The following IFNAR1 variants were observed in gnomAD, a reference collection of about 807,000 sequenced individuals.
The protein encoded by IFNAR1 is interferon alpha/beta receptor 1.
Under a neutral mutation model 62.1 loss-of-function variants are expected in IFNAR1, and 47 were observed. The observed-to-expected ratio is 0.76, with a 90% CI of 0.60 to 0.97. The LOEUF (loss-of-function observed/expected upper bound fraction) is 0.97, where lower values mean the gene tolerates loss of function less well. Among genes scored for constraint, IFNAR1 ranks in the 50% least tolerant of loss-of-function variants. The pLI, the probability that IFNAR1 is intolerant of heterozygous loss-of-function variation, is 0.00. For synonymous variants in IFNAR1, 219 were observed against 226.9 expected (o/e 0.97, Z 0.31); for missense variants, 638 against 654.5 (o/e 0.97, Z 0.27).
chr21:33,355,398 T>A lies in IFNAR1; in HGVS notation c.1523T>A (p.Ile508Lys). The A allele has an allele frequency of 6.2e-7, 1 of 1,602,828 alleles. No individual in the cohort carries two copies. Among genetic ancestry groups the A allele is most frequent in the Non-Finnish European group, 8.5e-7 (1 of 1,173,332 alleles). ...QIEKCFIIEN[I>K]STIATVEETN... is the part of the protein sequence containing the mutation. ...GAAAAATGTTTCATAATTGAAAATA[T>A]AAGCACAATTGCTACAGTAGAAGAA... Residue 508 changes from isoleucine (I) to lysine (K), a missense_variant, in exon 11 of 11, where the codon ATA becomes AAA. By Grantham distance (102) the Ile-to-Lys change is moderately radical. Coordinates refer to ENST00000270139, the MANE Select transcript of IFNAR1 (RefSeq NM_000629.3).
At position 33,353,787 on chromosome 21, in the gene IFNAR1, T is replaced by C; in HGVS notation, c.1440+4T>C. On this transcript the variant is annotated splice_donor_region_variant and intron_variant, in intron 10 of 10. Coordinates refer to ENST00000270139, the MANE Select transcript of IFNAR1 (RefSeq NM_000629.3). ...ACCTTCTTCCAGTATAGATGAGGTA[T>C]GTTACTTTTTTTATTTTTTTGTCAA... 1 of 1,547,740 alleles carries C rather than the reference T, an allele frequency of 6.5e-7. No individual in the cohort carries two copies. Among genetic ancestry groups the C allele is most frequent in the Non-Finnish European group, 8.7e-7 (1 of 1,149,938 alleles).
At chr21:33,333,577 A>G (rs906799542) in intron 1 of IFNAR1, among the ~76,000 whole-genome samples, 2 of 151,864 alleles carry the variant, frequency 1.3e-5, no homozygotes, top group Non-Finnish European at 1.5e-5. Flanking sequence ...TTAAATGTAA[A>G]TGGATTAAAT....
rs1170837824 is a variant in IFNAR1, at chr21:33,358,054, C to G, written c.*2505C>G. The G allele has an allele frequency of 2.0e-5, 3 of 152,152 alleles. No homozygotes were observed. The highest frequency in any genetic ancestry group is 4.4e-5 in the Non-Finnish European group (3 of 68,024). The allele number at this position is 152,152 out of a possible 1,614,324, so 9.4% of individuals were successfully genotyped here. A position where few individuals can be genotyped will look rare whatever the true frequency, so the allele number is the denominator to read the frequency against. On this transcript the variant is annotated 3_prime_UTR_variant, in exon 11 of 11. Coordinates refer to ENST00000270139, the MANE Select transcript of IFNAR1 (RefSeq NM_000629.3). ...GGATGTGGAGAAGGGAAAATACGGACATTAACATTAAAAGACACCAGTGAA... is the reference window on the plus strand; with the variant it reads ...GGATGTGGAGAAGGGAAAATACGGAGATTAACATTAAAAGACACCAGTGAA...
rs2083461861 is a variant in IFNAR1, at chr21:33,357,651, G to C, written c.*2102G>C. The C allele has an allele frequency of 6.6e-6, 1 of 152,022 alleles. No homozygotes were observed. Among genetic ancestry groups the C allele is most frequent in the Admixed American group, 6.6e-5 (1 of 15,250 alleles). 9.4% of individuals were successfully genotyped at this position (152,022 alleles called of 1,614,324 possible). A position where few individuals can be genotyped will look rare whatever the true frequency, so the allele number is the denominator to read the frequency against. ...GCAATTCTCTGCCGCAGCCTCCAGA[G>C]TAGCTGGGATAACAGGTGCCCACCA... On this transcript the variant is annotated 3_prime_UTR_variant, in exon 11 of 11. Transcript: ENST00000270139.
intron 6 of IFNAR1, among the ~76,000 whole-genome samples, chr21:33,346,896 A>G (rs1285341754): frequency 3.3e-5 from 5 of 152,192 alleles, no homozygotes; most frequent in Non-Finnish European, 7.3e-5. Context: ...GTCTGTAACT[A>G]ATTACCACAG....
chr21:33,333,614 A>T (rs1021394881), intron 1 of IFNAR1, among the ~76,000 whole-genome samples: 53 of 106,992 alleles, frequency 5.0e-4, no homozygotes, highest in African/African-American at 1.3e-3. Flanking sequence ...CTGGCGGAAT[A>T]TTTTTTTTTT....
chr21:33,343,888 G>A (rs1034512719), intron 5 of IFNAR1, among the ~76,000 whole-genome samples: 1 of 152,234 alleles, frequency 6.6e-6, no homozygotes, highest in Non-Finnish European at 1.5e-5. Flanking sequence ...GGGCGTAGTG[G>A]CCCACGCCTG....
At position 33,355,627 on chromosome 21, in the gene IFNAR1, A is replaced by G; in HGVS notation, c.*78A>G. ...AGCCTGAGGTCCTCACCTTCCTCTCAGTAACTACAGAGAGGACGTTTCCCT... is the reference window on the plus strand; with the variant it reads ...AGCCTGAGGTCCTCACCTTCCTCTCGGTAACTACAGAGAGGACGTTTCCCT... On this transcript the variant is annotated 3_prime_UTR_variant, in exon 11 of 11. Coordinates refer to ENST00000270139, the MANE Select transcript of IFNAR1 (RefSeq NM_000629.3). The G allele has an allele frequency of 1.4e-6, 1 of 701,096 alleles. No homozygotes were observed. Among genetic ancestry groups the G allele is most frequent in the Non-Finnish European group, 2.4e-6 (1 of 414,826 alleles). The allele number at this position is 701,096 out of a possible 1,614,324, so 43.4% of individuals were successfully genotyped here.
chr21:33,349,386 T>C lies in IFNAR1; in HGVS notation c.989-3T>C. The C allele has an allele frequency of 6.3e-7, 1 of 1,580,114 alleles. No homozygotes were observed. The highest frequency in any genetic ancestry group is 8.6e-7 in the Non-Finnish European group (1 of 1,166,918). Reference sequence around the variant, plus strand: ...ACATTATTTCTTTACAAATTTTTTCTAGCTTTCCTACTTCCTCCAGTCTTT... The same window carrying C: ...ACATTATTTCTTTACAAATTTTTTCCAGCTTTCCTACTTCCTCCAGTCTTT... On this transcript the variant is annotated splice_region_variant and splice_polypyrimidine_tract_variant and intron_variant, in intron 7 of 10. Coordinates refer to ENST00000270139, the MANE Select transcript of IFNAR1 (RefSeq NM_000629.3).
intron 6 of IFNAR1, among the ~76,000 whole-genome samples, chr21:33,346,274 G>A (rs978558594): frequency 6.6e-6 from 1 of 152,098 alleles, no homozygotes; most frequent in African/African-American, 2.4e-5. Flanking sequence ...GGAGTAGAGA[G>A]AGCAAAGGCA....
At chr21:33,338,951 G>A (rs1213623946) in intron 2 of IFNAR1, among the ~76,000 whole-genome samples, 10 of 151,736 alleles carry the variant, frequency 6.6e-5, no homozygotes, top group African/African-American at 1.5e-4. Context: ...CATGTTGATC[G>A]GGCTGATCTC....
intron 1 of IFNAR1, chr21:33,334,472 T>C (rs2123665857): frequency 2.9e-6 from 1 of 339,278 alleles, no homozygotes; most frequent in Non-Finnish European, 5.7e-6. Context: ...ACCCTGTATA[T>C]GGCAAAATTG....
chr21:33,342,491 A>G (rs995724379), intron 3 of IFNAR1, among the ~76,000 whole-genome samples: 4 of 151,974 alleles, frequency 2.6e-5, no homozygotes, highest in African/African-American at 9.7e-5. Context: ...CCCTTTCTAT[A>G]CTAATCTTCC....
intron 1 of IFNAR1, among the ~76,000 whole-genome samples, chr21:33,327,735 G>T (rs2083139994): frequency 1.3e-5 from 2 of 152,284 alleles, no homozygotes; most frequent in South Asian, 4.1e-4. Context: ...TCATGACACA[G>T]CCTCAAGAGG....
rs1421847451 is a variant in IFNAR1 at position 33,358,769 on chromosome 21, A to T, written c.*3220A>T. 6.6e-6 allele frequency: 1 copy of T among 152,044 alleles called. No individual in the cohort carries two copies. The highest frequency in any genetic ancestry group is 1.5e-5 in the Non-Finnish European group (1 of 68,032). The allele number at this position is 152,044 out of a possible 1,614,324, so 9.4% of individuals were successfully genotyped here. On this transcript the variant is annotated 3_prime_UTR_variant, in exon 11 of 11. Coordinates refer to ENST00000270139, the MANE Select transcript of IFNAR1 (RefSeq NM_000629.3). The stretch of plus-strand genomic sequence containing the variant: ...ATCTCAGCACTTTTGGGAGGCCAAG[A>T]CAGGAGGATCACTTCAGGCCAGGAG...
At chr21:33,341,391 G>T (rs796731014) in intron 3 of IFNAR1, among the ~76,000 whole-genome samples, 2 of 152,260 alleles carry the variant, frequency 1.3e-5, no homozygotes, top group South Asian at 2.1e-4. Flanking sequence ...CCTTTCAGGG[G>T]GCTGTAAAGA....
In IFNAR1 at chr21:33,355,420, A is replaced by G. The variant is rs1180300145; in HGVS notation, c.1545A>G (p.Glu515=). 1.3e-6 allele frequency: 2 copies of G among 1,598,230 alleles called. No homozygotes were observed. Among genetic ancestry groups the G allele is most frequent in the African/African-American group, 2.7e-5 (2 of 74,518 alleles). ...ATATAAGCACAATTGCTACAGTAGA[A>G]GAAACTAATCAAACTGATGAAGATC... ...IENISTIATV[E]ETNQTDEDHK... Residue 515 remains glutamate (E), a synonymous_variant, in exon 11 of 11, where the codon GAA becomes GAG. Coordinates refer to ENST00000270139, the MANE Select transcript of IFNAR1 (RefSeq NM_000629.3).
At position 33,345,282 on chromosome 21, in the gene IFNAR1, T is replaced by G; in HGVS notation, c.710T>G (p.Val237Gly). ...CTACCTCCACCAGAAAATATAGAAG[T>G]CAGTGTCCAAAATCAGAACTATGTT... ...NELPPPENIE[V>G]SVQNQNYVLK... The change falls in exon 6 of 11, where the codon GTC becomes GGC. Residue 237 changes from valine (V) to glycine (G), a missense_variant. Val to Gly is a moderately radical substitution (Grantham distance 109, BLOSUM62 -3). Transcript: ENST00000270139. 6.2e-7 allele frequency: 1 copy of G among 1,602,832 alleles called. No homozygotes were observed. The highest frequency in any genetic ancestry group is 8.5e-7 in the Non-Finnish European group (1 of 1,170,662).
chr21:33,336,136 A>C (rs1325926006), intron 2 of IFNAR1, among the ~76,000 whole-genome samples: 1 of 142,974 alleles, frequency 7.0e-6, no homozygotes, highest in African/African-American at 2.6e-5. Flanking sequence ...ATGTGTTCTC[A>C]TTGTTCAGTT....
Sources: allele counts gnomAD v4.1 joint callset (sites outside exome capture counted in the v4.1 genomes callset), GRCh38; gene constraint gnomAD v4.1.1; transcripts MANE v1.5; gene names NCBI Gene and HGNC (gene_info 2026-07-23, HGNC 2026-07-21).